Variants in SMU1 observed in about 807,000 individuals in gnomAD.
SMU1 encodes SMU1 DNA replication regulator and spliceosomal factor.
Under a neutral mutation model 62.0 loss-of-function variants are expected in SMU1, and 2 were observed. The ratio of observed to expected loss-of-function variants is 0.03; its 90% CI spans 0.01 to 0.10. SMU1 has a LOEUF of 0.10. Among genes scored for constraint, SMU1 ranks in the 10% least tolerant of loss-of-function variants. The pLI, the probability that SMU1 is intolerant of heterozygous loss-of-function variation, is 1.00. For missense variants in SMU1, 227 were observed against 622.1 expected (o/e 0.36, Z 6.76); for synonymous variants, 188 against 212.4 (o/e 0.89, Z 1.00).
intron 4 of SMU1, among the ~76,000 whole-genome samples, chr9:33,066,546 G>A (rs1839422464): frequency 6.9e-6 from 1 of 144,364 alleles, no homozygotes; most frequent in Non-Finnish European, 1.5e-5. Flanking sequence ...GGTGGCTCAC[G>A]CCTGTAATCC....
chr9:33,050,291 T>A (rs558864511), intron 10 of SMU1, among the ~76,000 whole-genome samples: 1 of 152,314 alleles, frequency 6.6e-6, no homozygotes, highest in African/African-American at 2.4e-5. Context: ...AGGGTGAGAA[T>A]ACAAAAGGAT....
intron 10 of SMU1, among the ~76,000 whole-genome samples, chr9:33,049,633 ACT>A (rs1456511559): frequency 2.4e-4 from 37 of 152,216 alleles, no homozygotes; most frequent in Admixed American, 2.4e-3. Flanking sequence ...TGTAAAAGCC[ACT>A]GTCAAGAAAA....
chr9:33,052,025 A>G (rs1437341942), intron 10 of SMU1, among the ~76,000 whole-genome samples: 1 of 152,118 alleles, frequency 6.6e-6, no homozygotes, highest in East Asian at 1.9e-4. Context: ...CTCAAAAAAA[A>G]AAAAAAAACA....
At chr9:33,076,540 C>G in intron 1 of SMU1, 43 bp downstream of exon 1, 1 of 1,612,478 alleles carries the variant, frequency 6.2e-7, no homozygotes, top group Non-Finnish European at 8.5e-7. Context: ...CCTTAACCTC[C>G]AGGCCCCCGG....
At chr9:33,056,627 T>C (rs912795501) in intron 8 of SMU1, among the ~76,000 whole-genome samples, 10 of 152,166 alleles carry the variant, frequency 6.6e-5, no homozygotes, top group African/African-American at 2.4e-4. Context: ...CTACCCCCTT[T>C]CAAATGTCTC....
intron 4 of SMU1, among the ~76,000 whole-genome samples, chr9:33,064,103 C>T (rs1839393114): frequency 6.6e-6 from 1 of 151,620 alleles, no homozygotes; most frequent in Non-Finnish European, 1.5e-5. Context: ...ATTCTTTTAC[C>T]AACTTTTTTT....
rs111665488 is a variant in SMU1 at position 33,075,134 on chromosome 9, T to C, written c.27-1328A>G. On this transcript the variant is annotated intron_variant, in intron 1 of 11. Transcript: ENST00000397149. ...GCTCACGCCTGTAATCTCACCACTT[T>C]GGAAGGCCGAGGCGGGCAGATCACA... Among the ~76,000 whole-genome samples, 645 of 152,250 alleles carry C rather than the reference T, an allele frequency of 4.2e-3. 3 individuals carry two copies. The highest frequency in any genetic ancestry group is 0.015 in the African/African-American group (618 of 41,566).
rs201206096 is a variant in SMU1, at chr9:33,062,191, A to G, written c.502-14T>C. ...CCACTTCAGTGCCTATGAGGAAAAA[A>G]AAAAATATAGCAATCTGTTCAGGTG... On this transcript the variant is annotated splice_polypyrimidine_tract_variant and intron_variant, in intron 4 of 11. Coordinates refer to ENST00000397149, the MANE Select transcript of SMU1 (RefSeq NM_018225.3). 8.1e-5 allele frequency: 130 copies of G among 1,606,780 alleles called. 1 individual carries two copies. The African/African-American group carries it at 9.0e-4, about 11-fold the overall frequency.
intron 10 of SMU1, among the ~76,000 whole-genome samples, chr9:33,050,590 A>C (rs1839232874): frequency 6.7e-6 from 1 of 148,586 alleles, no homozygotes; most frequent in Admixed American, 6.7e-5. Context: ...CACTTTGGGA[A>C]GCTGAGGCGA....
intron 10 of SMU1, among the ~76,000 whole-genome samples, chr9:33,049,256 T>C (rs1009578214): frequency 1.1e-4 from 17 of 152,212 alleles, no homozygotes; most frequent in Non-Finnish European, 2.2e-4. Context: ...CAGTGTGGTA[T>C]TGGATCAATG....
At chr9:33,074,558 C>T (rs917007153) in intron 1 of SMU1, among the ~76,000 whole-genome samples, 3 of 151,944 alleles carry the variant, frequency 2.0e-5, no homozygotes, top group Admixed American at 1.3e-4. Context: ...TGCAGTGAGC[C>T]GTGATCATGC....
intron 2 of SMU1, 124 bp downstream of exon 2, chr9:33,073,472 G>T (rs959909671): frequency 9.6e-6 from 6 of 625,498 alleles, no homozygotes; most frequent in African/African-American, 9.2e-5. Context: ...GTCAAGCCTT[G>T]CCATTGTTGT....
chr9:33,067,297 CA>C (rs58105257), intron 4 of SMU1, among the ~76,000 whole-genome samples: 8,811 of 51,838 alleles, frequency 0.17, 117 homozygotes, highest in African/African-American at 0.2. Context: ...TGCTAATGAC[CA>C]AAAAAAAAAA....
chr9:33,072,394 C>A (rs773491663), intron 2 of SMU1, among the ~76,000 whole-genome samples: 2 of 152,108 alleles, frequency 1.3e-5, no homozygotes, highest in Non-Finnish European at 2.9e-5. Context: ...TTTTATCTAC[C>A]AATCTCCCCT....
chr9:33,062,237 G>A, intron 4 of SMU1, 60 bp from the exon 5 acceptor site: 1 of 1,549,994 alleles, frequency 6.5e-7, no homozygotes, highest in South Asian at 1.2e-5. Context: ...CTGGTCATAA[G>A]TGCTCAGAAA....
chr9:33,068,857 C>A lies in SMU1; in HGVS notation c.468G>T (p.Val156=), dbSNP rs1839455392. The part of the protein sequence containing the change: ...AQALAGEVSV[V]PPSRLMALLG... ...GCAATGCCATGAGACGAGATGGAGG[C>A]ACCACACTGACTTCGCCAGCTAAGG... The change falls in exon 4 of 12, where the codon GTG becomes GTT. Residue 156 remains valine (V), a synonymous_variant. Coordinates refer to ENST00000397149, the MANE Select transcript of SMU1 (RefSeq NM_018225.3). 2 of 1,614,078 alleles carry A rather than the reference C, an allele frequency of 1.2e-6. No homozygotes were observed. The highest frequency in any genetic ancestry group is 1.7e-6 in the Non-Finnish European group (2 of 1,180,004).
At chr9:33,055,738 A>T (rs1455890057) in intron 9 of SMU1, among the ~76,000 whole-genome samples, 1 of 152,162 alleles carries the variant, frequency 6.6e-6, no homozygotes, top group Non-Finnish European at 1.5e-5. Context: ...CAAAAAAGAG[A>T]TCTATTTATT....
intron 11 of SMU1, 50 bp from the exon 12 acceptor site, chr9:33,047,441 A>G: frequency 6.6e-7 from 1 of 1,504,336 alleles, no homozygotes; most frequent in South Asian, 1.2e-5. Context: ...GCAATAAATC[A>G]CTCTGATGAG....
Position 33,059,701 on chromosome 9 carries a change from G to A in SMU1, c.750+764C>T, listed in dbSNP as rs986234693. ...GCTCACTGCAACCTCCACCTCCCAC[G>A]TTCAAGCAATTTTCCTGCCTCAGTC... On this transcript the variant is annotated intron_variant, in intron 6 of 11. Transcript: ENST00000397149. Among the ~76,000 whole-genome samples the A allele has an allele frequency of 1.9e-4, 28 of 149,302 alleles. No individual in the cohort carries two copies. The Middle Eastern group carries it at 0.011, about 57-fold the overall frequency.
Sources: gnomAD v4.1 joint callset for allele counts (sites outside exome capture counted in the v4.1 genomes callset) on GRCh38, gnomAD v4.1.1 for gene constraint, MANE v1.5 for transcripts, NCBI Gene and HGNC (gene_info 2026-07-23, HGNC 2026-07-21) for gene names.